The following LHFPL4 variants were observed in gnomAD, a reference collection of about 807,000 sequenced individuals.
The protein encoded by LHFPL4 is LHFPL tetraspan subfamily member 4, also known as LHFPL tetraspan subfamily member 4 protein.
In LHFPL4, 6 loss-of-function variants were observed where a neutral mutation model predicts 20.0. That is an observed-to-expected ratio of 0.30 (90% CI 0.16 to 0.59). The LOEUF (loss-of-function observed/expected upper bound fraction) is 0.59. LHFPL4 is among the 20% of genes least tolerant of loss of function. LHFPL4 has a pLI of 0.88. For synonymous variants in LHFPL4, 129 were observed against 143.8 expected (o/e 0.90, Z 0.74); for missense variants, 215 against 331.2 (o/e 0.65, Z 2.72).
chr3:9,538,940 T>C (rs1383660178), intron 2 of LHFPL4, among the ~76,000 whole-genome samples: 1 of 152,042 alleles, frequency 6.6e-6, no homozygotes, highest in Non-Finnish European at 1.5e-5. Context: ...CCTCAGGTGA[T>C]CTGCCCACCT....
intron 2 of LHFPL4, among the ~76,000 whole-genome samples, chr3:9,512,452 A>C (rs991753968): frequency 7.9e-5 from 12 of 152,220 alleles, no homozygotes; most frequent in Admixed American, 6.5e-4. Flanking sequence ...CTTTTTCTAG[A>C]TATTCAAAAA....
intron 2 of LHFPL4, among the ~76,000 whole-genome samples, chr3:9,543,915 G>A (rs2542344): frequency 0.16 from 23,789 of 151,502 alleles, 2,881 homozygotes; most frequent in East Asian, 0.39. Context: ...TAGAGATGGG[G>A]TTTCACCATG....
intron 2 of LHFPL4, among the ~76,000 whole-genome samples, chr3:9,510,223 G>A (rs2596935): frequency 0.96 from 145,983 of 152,174 alleles, 70,069 homozygotes; most frequent in Middle Eastern, 1. Context: ...GGCCGAGGTG[G>A]GAGGATCACT....
intron 2 of LHFPL4, among the ~76,000 whole-genome samples, chr3:9,540,652 G>A (rs1168732977): frequency 2.0e-5 from 3 of 152,042 alleles, no homozygotes; most frequent in African/African-American, 7.2e-5. Context: ...CCAGCAATTT[G>A]AGAGGCTAAG....
chr3:9,517,858 A>G (rs981319576), intron 2 of LHFPL4, among the ~76,000 whole-genome samples: 1 of 140,706 alleles, frequency 7.1e-6, no homozygotes, highest in East Asian at 2.0e-4. Flanking sequence ...AGATGATCAT[A>G]TCATCTACAA....
At chr3:9,516,368 C>A (rs1022430751) in intron 2 of LHFPL4, among the ~76,000 whole-genome samples, 2 of 152,076 alleles carry the variant, frequency 1.3e-5, no homozygotes, top group African/African-American at 2.4e-5. Flanking sequence ...TGCCTTTGAG[C>A]CTTTGTCAAA....
chr3:9,518,746 TG>T (rs543806042), intron 2 of LHFPL4, among the ~76,000 whole-genome samples: 26 of 151,090 alleles, frequency 1.7e-4, no homozygotes, highest in African/African-American at 5.6e-4. Context: ...TCTGTAGTGA[TG>T]TTTTTTTGTT....
chr3:9,510,290 C>T (rs546617647), intron 2 of LHFPL4, among the ~76,000 whole-genome samples: 2 of 151,848 alleles, frequency 1.3e-5, no homozygotes, highest in South Asian at 2.1e-4. Context: ...CGGTGAAAAG[C>T]ACAAGTACAT....
At position 9,552,467 on chromosome 3, in the gene LHFPL4, C is replaced by T. The variant is rs749406469; in HGVS notation, c.213G>A (p.Ala71=). 1 of 1,613,058 alleles carries T rather than the reference C, an allele frequency of 6.2e-7. No individual in the cohort carries two copies. Among genetic ancestry groups the T allele is most frequent in the South Asian group, 1.1e-5 (1 of 91,034 alleles). ...AGCCCCGGCAGGTGAGCTCGCGGCC[C>T]GCCAGCCCGCTGCCCACGCAGTAGT... ...LFHYCVGSGL[A]GRELTCRGSF... The change falls in exon 2 of 4, where the codon GCG becomes GCA. Residue 71 remains alanine (A), a synonymous_variant. Transcript: ENST00000287585.
intron 2 of LHFPL4, among the ~76,000 whole-genome samples, chr3:9,507,190 C>T (rs1403951593): frequency 6.6e-6 from 1 of 152,168 alleles, no homozygotes; most frequent in East Asian, 1.9e-4. Flanking sequence ...GCCAGGCACT[C>T]AGGTAGCATT....
At chr3:9,547,160 T>A (rs964912036) in intron 2 of LHFPL4, among the ~76,000 whole-genome samples, 1 of 152,188 alleles carries the variant, frequency 6.6e-6, no homozygotes, top group African/African-American at 2.4e-5. Context: ...GGCTAATTTT[T>A]AAATTATTTG....
chr3:9,522,246 G>T (rs1158974234), intron 2 of LHFPL4, among the ~76,000 whole-genome samples: 1 of 151,584 alleles, frequency 6.6e-6, no homozygotes, highest in Admixed American at 6.6e-5. Flanking sequence ...TGCCCGCCTT[G>T]GCCTCCCAAA....
chr3:9,522,150 C>T (rs188438317), intron 2 of LHFPL4, among the ~76,000 whole-genome samples: 101 of 151,026 alleles, frequency 6.7e-4, no homozygotes, highest in Non-Finnish European at 1.0e-3. Context: ...AGTACAAGTA[C>T]CTTATTATTA....
chr3:9,511,377 G>A (rs1053091497), intron 2 of LHFPL4, among the ~76,000 whole-genome samples: 2 of 151,882 alleles, frequency 1.3e-5, no homozygotes, highest in Non-Finnish European at 2.9e-5. Context: ...CCATGAGGTG[G>A]GAAAAAATAC....
Position 9,506,051 on chromosome 3 carries a change from C to T in LHFPL4, c.559G>A (p.Ala187Thr), listed in dbSNP as rs749128137. The change falls in exon 3 of 4, where the codon GCC (alanine) becomes ACC (threonine). Residue 187 changes from alanine to threonine, a missense_variant. By Grantham distance (58) the Ala-to-Thr change is moderately conservative. Coordinates refer to ENST00000287585, the MANE Select transcript of LHFPL4 (RefSeq NM_198560.3). This position sits in a 1 kb window ranked among gnomAD's most constrained non-coding sequence, Gnocchi z 4.5. ...AAGGCGAGGAAGGAGAGGATGAGGG[C>T]GTTGAGGATGCCGATGATGGCCAGG... ...YILAIIGILNALILSFLAFVL... is the reference protein window; with the variant it reads ...YILAIIGILNTLILSFLAFVL... The T allele has an allele frequency of 1.9e-6, 3 of 1,614,176 alleles. No homozygotes were observed. Among genetic ancestry groups the T allele is most frequent in the Non-Finnish European group, 2.5e-6 (3 of 1,180,036 alleles).
chr3:9,524,199 G>T (rs1337153371), intron 2 of LHFPL4, among the ~76,000 whole-genome samples: 2 of 149,104 alleles, frequency 1.3e-5, no homozygotes, highest in Admixed American at 6.7e-5. Flanking sequence ...TAGGTGTAGG[G>T]TTTTTTGTTT....
chr3:9,523,878 T>G (rs940713082), intron 2 of LHFPL4, among the ~76,000 whole-genome samples: 1 of 152,204 alleles, frequency 6.6e-6, no homozygotes, highest in Non-Finnish European at 1.5e-5. Context: ...AAAGCAGGTC[T>G]ACTGGTAACA....
At chr3:9,523,983 T>TCC (rs373024482) in intron 2 of LHFPL4, among the ~76,000 whole-genome samples, 3,655 of 133,994 alleles carry the variant, frequency 0.027, 74 homozygotes, top group Non-Finnish European at 0.035. Context: ...GGCTAGTATT[T>TCC]CCCCCCCCCC....
At chr3:9,532,630 T>C (rs560352264) in intron 2 of LHFPL4, among the ~76,000 whole-genome samples, 1 of 152,346 alleles carries the variant, frequency 6.6e-6, no homozygotes, top group South Asian at 2.1e-4. Flanking sequence ...GCACCGCGCC[T>C]GGCCTATGCT....
Sources: allele counts gnomAD v4.1 joint callset (sites outside exome capture counted in the v4.1 genomes callset), GRCh38; gene constraint gnomAD v4.1.1; non-coding constraint Gnocchi (gnomAD v3.1); transcripts MANE v1.5; gene names NCBI Gene and HGNC (gene_info 2026-07-23, HGNC 2026-07-21).